GLIS1: variants seen among roughly 807,000 people sequenced by gnomAD.
GLIS1 encodes the protein GLIS family zinc finger 1.
In GLIS1, 24 loss-of-function variants were observed where a neutral mutation model predicts 63.8. The observed-to-expected ratio is 0.38, with a 90% CI of 0.27 to 0.53. GLIS1 has a LOEUF of 0.53. GLIS1 is among the 20% of genes least tolerant of loss of function. GLIS1 has a pLI of 0.85. For synonymous variants in GLIS1, 450 were observed against 482.5 expected, an observed-to-expected ratio of 0.93 and a Z score of 0.88; for missense variants, 1,036 against 1,074.1, an observed-to-expected ratio of 0.96 and a Z score of 0.50.
chr1:53,599,528 TACCC>T (rs1300810266), intron 3 of GLIS1, among the ~76,000 whole-genome samples: 2 of 152,260 alleles, frequency 1.3e-5, no homozygotes, highest in Non-Finnish European at 2.9e-5. Context: ...CTTTATAAAT[TACCC>T]AGTGCCAGGT....
intron 4 of GLIS1, among the ~76,000 whole-genome samples, chr1:53,546,038 A>T (rs138010928): frequency 2.6e-5 from 4 of 152,356 alleles, no homozygotes; most frequent in Non-Finnish European, 5.9e-5. Flanking sequence ...CAACTTGCCG[A>T]AGGGCAGGGG....
chr1:53,690,635 C>G (rs577689276), intron 2 of GLIS1, among the ~76,000 whole-genome samples: 10 of 152,310 alleles, frequency 6.6e-5, no homozygotes, highest in African/African-American at 2.4e-4. Flanking sequence ...CTCAGTCATC[C>G]AGAGAGGCAG....
chr1:53,708,201 T>C (rs992758740), intron 2 of GLIS1, among the ~76,000 whole-genome samples: 7 of 151,854 alleles, frequency 4.6e-5, no homozygotes, highest in Admixed American at 3.9e-4. Flanking sequence ...GAGAATGGCG[T>C]GAACCCAGGA....
intron 2 of GLIS1, among the ~76,000 whole-genome samples, chr1:53,606,262 G>A (rs1193662036): frequency 6.6e-6 from 1 of 152,212 alleles, no homozygotes. Flanking sequence ...TGGGCAGTGG[G>A]CATCAGCCGC....
chr1:53,579,337 C>A (rs1645062612), intron 4 of GLIS1, among the ~76,000 whole-genome samples: 1 of 152,234 alleles, frequency 6.6e-6, no homozygotes. Context: ...CCAAGGGCAA[C>A]AACCTTCAGC....
chr1:53,718,818 A>C (rs1442270819), intron 2 of GLIS1, among the ~76,000 whole-genome samples: 1 of 152,130 alleles, frequency 6.6e-6, no homozygotes. Flanking sequence ...CATCTTAGTA[A>C]TTAAAATGTC....
At chr1:53,665,881 C>A (rs1231752432) in intron 2 of GLIS1, among the ~76,000 whole-genome samples, 5 of 152,114 alleles carry the variant, frequency 3.3e-5, no homozygotes, top group African/African-American at 1.2e-4. Context: ...CAACATCGAA[C>A]GCCCTGGGGA....
intron 8 of GLIS1, 121 bp from the exon 9 acceptor site, chr1:53,510,148 C>A: frequency 2.2e-6 from 1 of 455,880 alleles, no homozygotes. Flanking sequence ...TGACCTGCTC[C>A]GACTTACAAT....
intron 4 of GLIS1, among the ~76,000 whole-genome samples, chr1:53,554,596 C>G (rs1308560409): frequency 6.6e-6 from 1 of 152,168 alleles, no homozygotes; most frequent in East Asian, 1.9e-4. Flanking sequence ...CAGTGCTAAC[C>G]AATATGGACT....
At chr1:53,585,389 A>G (rs1425106046) in intron 4 of GLIS1, among the ~76,000 whole-genome samples, 1 of 152,030 alleles carries the variant, frequency 6.6e-6, no homozygotes, top group Non-Finnish European at 1.5e-5. Context: ...TTGAGGTCTC[A>G]CAGCTGGTTA....
At chr1:53,627,661 T>C (rs1268947087) in intron 2 of GLIS1, among the ~76,000 whole-genome samples, 1 of 152,200 alleles carries the variant, frequency 6.6e-6, no homozygotes, top group Non-Finnish European at 1.5e-5. Flanking sequence ...TTCGGTTTTG[T>C]TCGTATTTAT....
Position 53,512,871 on chromosome 1 carries a change from G to C in GLIS1, c.1883+1754C>G, listed in dbSNP as rs966595836. On this transcript the variant is annotated intron_variant, in intron 8 of 10. Coordinates refer to ENST00000628545, the MANE Select transcript of GLIS1 (RefSeq NM_001367484.1). ...GATGTTTTTCGGCTGGTTGGTGGGTGAGCAGGTGGCCTGAGCAGCTATGGG... is the reference window on the plus strand; with the variant it reads ...GATGTTTTTCGGCTGGTTGGTGGGTCAGCAGGTGGCCTGAGCAGCTATGGG... Among the ~76,000 whole-genome samples the C allele has an allele frequency of 7.2e-5, 11 of 151,996 alleles. No homozygotes were observed. The Middle Eastern group carries it at 9.5e-3, about 131-fold the overall frequency.
At chr1:53,600,699 C>T (rs1450641301) in intron 2 of GLIS1, among the ~76,000 whole-genome samples, 2 of 152,214 alleles carry the variant, frequency 1.3e-5, no homozygotes, top group African/African-American at 4.8e-5. Flanking sequence ...GGCTGCTCAG[C>T]TGCGCTGCTG....
At chr1:53,529,980 C>T (rs1177860211) in intron 4 of GLIS1, 28 bp from the exon 5 acceptor site, 1 of 1,605,296 alleles carries the variant, frequency 6.2e-7, no homozygotes, top group Non-Finnish European at 8.5e-7. Context: ...GAGGGGAACT[C>T]CCAGCCCGGT....
At chr1:53,578,544 C>A (rs1384175750) in intron 4 of GLIS1, among the ~76,000 whole-genome samples, 1 of 152,188 alleles carries the variant, frequency 6.6e-6, no homozygotes, top group Admixed American at 6.5e-5. Context: ...AATATCCAGA[C>A]AAAACTGCCC....
chr1:53,736,858 A>G (rs1646917531), intron 2 of GLIS1, among the ~76,000 whole-genome samples: 1 of 152,222 alleles, frequency 6.6e-6, no homozygotes, highest in South Asian at 2.1e-4. Context: ...GATGCTAGGA[A>G]GTGATGCCTA....
rs780437349 is a variant in GLIS1 at position 53,598,407 on chromosome 1, C to T, written c.437+1694G>A. Among the ~76,000 whole-genome samples, 23 of 152,138 alleles carry T rather than the reference C, an allele frequency of 1.5e-4. No individual in the cohort carries two copies. The highest frequency in any genetic ancestry group is 2.8e-4 in the Non-Finnish European group (19 of 68,036). ...AAAATTAGCCAGGCGTGGTGGCACACGCCTGTAGTCTCAGCTGCTGGAGTG... is the reference window on the plus strand; with the variant it reads ...AAAATTAGCCAGGCGTGGTGGCACATGCCTGTAGTCTCAGCTGCTGGAGTG... On this transcript the variant is annotated intron_variant, in intron 3 of 10. Transcript: ENST00000628545. This position sits in a 1 kb window ranked among gnomAD's most constrained non-coding sequence, Gnocchi z 4.6.
Position 53,524,885 on chromosome 1 carries a change from C to T in GLIS1, c.1485G>A (p.Lys495=), listed in dbSNP as rs1174198994. 1.3e-6 allele frequency: 2 copies of T among 1,587,666 alleles called. No individual in the cohort carries two copies. The highest frequency in any genetic ancestry group is 1.1e-5 in the South Asian group (1 of 90,774). Residue 495 remains lysine (K), a splice_region_variant and synonymous_variant, in exon 6 of 11, where the codon AAG becomes AAA. Transcript: ENST00000628545. The stretch of plus-strand genomic sequence containing the variant: ...AGCCAGGGATCTGACAGGCGTACGG[C>T]TTCTGTAACATGGGGGGCACGGGTG... ...AKHQRTHLDT[K]PYACQIPGCS... is the part of the protein sequence containing the mutation.
chr1:53,536,633 G>A (rs1414044671), intron 4 of GLIS1, among the ~76,000 whole-genome samples: 3 of 152,108 alleles, frequency 2.0e-5, no homozygotes, highest in Non-Finnish European at 2.9e-5. Flanking sequence ...CTTGGGTCTG[G>A]CTGATGAGTC....
Sources: allele counts gnomAD v4.1 joint callset (sites outside exome capture counted in the v4.1 genomes callset), GRCh38; gene constraint gnomAD v4.1.1; non-coding constraint Gnocchi (gnomAD v3.1); transcripts MANE v1.5; gene names NCBI Gene and HGNC (gene_info 2026-07-23, HGNC 2026-07-21).